Variants in NHSL2 observed in about 807,000 individuals in gnomAD.
NHSL2 encodes the protein NHS-like protein 2.
In NHSL2, 27 loss-of-function variants were observed where a neutral mutation model predicts 53.4. The ratio of observed to expected loss-of-function variants is 0.51; its 90% CI spans 0.37 to 0.70. The LOEUF is 0.70. Among genes scored for constraint, NHSL2 ranks in the 30% least tolerant of loss-of-function variants. NHSL2 has a pLI of 0.00. For missense variants in NHSL2, 892 were observed against 980.1 expected (o/e 0.91, Z 1.20); for synonymous variants, 408 against 404.1 (o/e 1.01, Z -0.12).
chrX:72,081,829 CTA>C (rs2147424187), intron 1 of NHSL2, among the ~76,000 whole-genome samples: 1 of 112,642 alleles, frequency 8.9e-6, no homozygotes, highest in Admixed American at 9.4e-5. Context: ...CTGGAAAGGG[CTA>C]TATTTAACCT....
At position 72,129,605 on chromosome X, in the gene NHSL2, G is replaced by A. The variant is rs921490773; in HGVS notation, c.281-2474G>A. 7.2e-6 allele frequency: 3 copies of A among 418,091 alleles called. No individual in the cohort carries two copies. The African/African-American group carries it at 7.5e-5, about 10-fold the overall frequency. The allele number at this position is 418,091 out of a possible 1,213,427, so 34.5% of individuals were successfully genotyped here. On this transcript the variant is annotated intron_variant, in intron 1 of 7. Coordinates refer to ENST00000633930, the MANE Select transcript of NHSL2 (RefSeq NM_001013627.3). ...GACTGAGCAGAGTACATGCCAAGAG[G>A]GCAGCTATTGCTGATCCCTCCTTTC...
chrX:72,086,452 G>C (rs1382409871), intron 1 of NHSL2, among the ~76,000 whole-genome samples: 1 of 111,834 alleles, frequency 8.9e-6, no homozygotes, highest in African/African-American at 3.3e-5. Flanking sequence ...GGGAGGCCAA[G>C]GCGGGCAGAT....
In NHSL2 at chrX:71,911,305, T is replaced by G. The variant is rs1171931141; in HGVS notation, c.218T>G (p.Val73Gly). 8.8e-7 allele frequency: 1 copy of G among 1,130,128 alleles called. No individual in the cohort carries two copies. Among genetic ancestry groups the G allele is most frequent in the East Asian group, 3.4e-5 (1 of 29,308 alleles). 93.1% of individuals were successfully genotyped at this position (1,130,128 alleles called of 1,213,427 possible). Residue 73 changes from valine to glycine, a missense_variant, in exon 1 of 8, where the codon GTG becomes GGG. Coordinates refer to ENST00000633930, the MANE Select transcript of NHSL2 (RefSeq NM_001013627.3). ...RRTDSLYRRT[V>G]RLRRRLPCRL... is the part of the protein sequence containing the mutation. ...ACAGACAGCCTGTACCGGCGCACCG[T>G]GCGCCTCCGCCGCCGCCTTCCCTGC...
At chrX:72,137,691 A>T (rs1356526426) in intron 5 of NHSL2, among the ~76,000 whole-genome samples, 1 of 111,288 alleles carries the variant, frequency 9.0e-6, no homozygotes, top group African/African-American at 3.3e-5. Flanking sequence ...TTCTTCATCT[A>T]TAAAGTGGGG....
intron 1 of NHSL2, among the ~76,000 whole-genome samples, chrX:72,107,833 A>T (rs2042058950): frequency 8.9e-6 from 1 of 111,918 alleles, no homozygotes; most frequent in African/African-American, 3.3e-5. Flanking sequence ...GAAGTGGCGC[A>T]TGTGAAGCGG....
chrX:71,948,557 C>A (rs1379702474), intron 1 of NHSL2, among the ~76,000 whole-genome samples: 1 of 111,421 alleles, frequency 9.0e-6, no homozygotes, highest in Non-Finnish European at 1.9e-5. Context: ...GTAGGCCAGG[C>A]ACGGTGGCTC....
intron 1 of NHSL2, among the ~76,000 whole-genome samples, chrX:72,003,612 C>T (rs894526607): frequency 4.5e-5 from 5 of 111,679 alleles, no homozygotes; most frequent in Middle Eastern, 4.2e-3. Flanking sequence ...GGTGATGTTG[C>T]GTGGGGCCTG....
At chrX:71,952,266 G>A (rs989264034) in intron 1 of NHSL2, among the ~76,000 whole-genome samples, 2 of 111,600 alleles carry the variant, frequency 1.8e-5, no homozygotes, top group Non-Finnish European at 3.8e-5. Context: ...TGATCTCTTA[G>A]TGAGTGTAAA....
At chrX:71,983,030 T>C (rs951093908) in intron 1 of NHSL2, among the ~76,000 whole-genome samples, 4 of 111,773 alleles carry the variant, frequency 3.6e-5, no homozygotes, top group African/African-American at 1.3e-4. Context: ...TTCAGGTAGA[T>C]AGTATCAGAA....
At chrX:72,107,368 G>T (rs1446568046) in intron 1 of NHSL2, among the ~76,000 whole-genome samples, 1 of 112,648 alleles carries the variant, frequency 8.9e-6, no homozygotes, top group East Asian at 2.8e-4. Context: ...TGGTCCCAAT[G>T]GATGAATCAG....
chrX:72,037,433 GAA>G (rs1189526357), intron 1 of NHSL2, among the ~76,000 whole-genome samples: 1 of 107,841 alleles, frequency 9.3e-6, no homozygotes, highest in African/African-American at 3.4e-5. Context: ...AAAAAAAAAA[GAA>G]AAAAAAACAT....
At chrX:72,047,345 A>C (rs2042311010) in intron 1 of NHSL2, among the ~76,000 whole-genome samples, 1 of 112,373 alleles carries the variant, frequency 8.9e-6, no homozygotes, top group Non-Finnish European at 1.9e-5. Context: ...CCAGTTTTGC[A>C]GACTTTGCTC....
chrX:72,144,885 C>A lies in NHSL2; in HGVS notation c.*1311C>A. The A allele has an allele frequency of 7.6e-6, 1 of 130,949 alleles. No homozygotes were observed. Among genetic ancestry groups the A allele is most frequent in the East Asian group, 2.4e-4 (1 of 4,103 alleles). 10.8% of individuals were successfully genotyped at this position (130,949 alleles called of 1,213,427 possible). A position where few individuals can be genotyped will look rare whatever the true frequency, so the allele number is the denominator to read the frequency against. ...TCATTGCGACCCCTCCCTGCCCCCA[C>A]CCCCCACGAAGCTTATAGGCACTAA... is the stretch of plus-strand genomic sequence containing the variant. On this transcript the variant is annotated 3_prime_UTR_variant, in exon 8 of 8. Transcript: ENST00000633930.
chrX:72,087,330 G>A (rs1451090922), intron 1 of NHSL2, among the ~76,000 whole-genome samples: 1 of 112,144 alleles, frequency 8.9e-6, no homozygotes, highest in Non-Finnish European at 1.9e-5. Flanking sequence ...ACAGAAAGTT[G>A]ACTAGAAGTT....
At chrX:71,947,076 C>T (rs967144620) in intron 1 of NHSL2, among the ~76,000 whole-genome samples, 1 of 112,040 alleles carries the variant, frequency 8.9e-6, no homozygotes, top group African/African-American at 3.2e-5. Flanking sequence ...AGCTGCGCAC[C>T]CTCTACCTGG....
chrX:71,973,332 G>A (rs2041934324), intron 1 of NHSL2, among the ~76,000 whole-genome samples: 1 of 112,143 alleles, frequency 8.9e-6, no homozygotes, highest in Admixed American at 9.4e-5. Context: ...GTTTTCTCTG[G>A]CAACCTTCTG....
At chrX:72,055,601 G>A (rs978249949) in intron 1 of NHSL2, among the ~76,000 whole-genome samples, 2 of 112,241 alleles carry the variant, frequency 1.8e-5, no homozygotes, top group Non-Finnish European at 1.9e-5. Flanking sequence ...TAAATTAGAT[G>A]TAAGGGAGGA....
At chrX:71,985,983 G>A (rs919003461) in intron 1 of NHSL2, among the ~76,000 whole-genome samples, 2 of 111,798 alleles carry the variant, frequency 1.8e-5, no homozygotes, top group African/African-American at 3.3e-5. Context: ...AAGAAATTTG[G>A]TTACCTCTAC....
At chrX:71,945,090 AT>A (rs35697962) in intron 1 of NHSL2, among the ~76,000 whole-genome samples, 1 of 111,523 alleles carries the variant, frequency 9.0e-6, no homozygotes, top group African/African-American at 3.3e-5. Context: ...ACCAAGATGT[AT>A]TTTTTGAAAT....
Sources: allele counts gnomAD v4.1 joint callset (sites outside exome capture counted in the v4.1 genomes callset), GRCh38; gene constraint gnomAD v4.1.1; transcripts MANE v1.5; gene names NCBI Gene and HGNC (gene_info 2026-07-23, HGNC 2026-07-21).